The following KIF21A variants were observed in gnomAD, a reference collection of about 807,000 sequenced individuals.
KIF21A encodes the protein kinesin family member 21A.
In KIF21A, 114 loss-of-function variants were observed where a neutral mutation model predicts 202.9. The ratio of observed to expected loss-of-function variants is 0.56; its 90% CI spans 0.48 to 0.66. The LOEUF (loss-of-function observed/expected upper bound fraction) is 0.66. KIF21A is among the 30% of genes least tolerant of loss of function. The probability of loss-of-function intolerance (pLI) is 0.00; values close to 1 mark genes in which losing one functional copy is unlikely to be tolerated. For missense variants in KIF21A, 1,677 were observed against 1,994.9 expected, an observed-to-expected ratio of 0.84 and a Z score of 3.04; for synonymous variants, 667 against 670.8, an observed-to-expected ratio of 0.99 and a Z score of 0.09.
At chr12:39,434,314 A>G (rs1382422861) in intron 1 of KIF21A, among the ~76,000 whole-genome samples, 1 of 152,364 alleles carries the variant, frequency 6.6e-6, no homozygotes, top group East Asian at 1.9e-4. Context: ...ACATTAATCC[A>G]TTAATGAGGG....
Position 39,330,870 on chromosome 12 carries a change from C to T in KIF21A, c.3195G>A (p.Leu1065=). 8 of 1,613,918 alleles carry T rather than the reference C, an allele frequency of 5.0e-6. No homozygotes were observed. The highest frequency in any genetic ancestry group is 5.9e-6 in the Non-Finnish European group (7 of 1,179,898). The part of the protein sequence containing the change: ...AAQKEAQIKV[L]EGRLKQTEIT... ...TTTCTGTTTGTTTGAGTCGACCTTC[C>T]AGTACTTTAATTTGAGCCTCTTTCT... Residue 1065 remains leucine (L), a synonymous_variant, in exon 23 of 38, where the codon CTG becomes CTA. Coordinates refer to ENST00000361418, the MANE Select transcript of KIF21A (RefSeq NM_001173464.2).
At chr12:39,325,333 A>ATT (rs200000503) in intron 26 of KIF21A, among the ~76,000 whole-genome samples, 2,435 of 138,424 alleles carry the variant, frequency 0.018, 69 homozygotes, top group African/African-American at 0.051. Flanking sequence ...ACCAAGGAGA[A>ATT]TTTTTTTTTT....
At chr12:39,330,649 A>T in intron 23 of KIF21A, 97 bp downstream of exon 23, 1 of 1,004,240 alleles carries the variant, frequency 1.0e-6, no homozygotes, top group Non-Finnish European at 1.6e-6. Context: ...TATAGCATCT[A>T]TTCAGTCAAG....
At chr12:39,337,927 A>G (rs1404557544) in intron 16 of KIF21A, among the ~76,000 whole-genome samples, 1 of 152,222 alleles carries the variant, frequency 6.6e-6, no homozygotes, top group Admixed American at 6.5e-5. Context: ...AATTATGTAT[A>G]GTCCATGATA....
chr12:39,429,252 C>T (rs1954998391), intron 1 of KIF21A, among the ~76,000 whole-genome samples: 1 of 152,074 alleles, frequency 6.6e-6, no homozygotes, highest in Admixed American at 6.6e-5. Context: ...ACACACATAC[C>T]AACAGAGAAC....
intron 37 of KIF21A, among the ~76,000 whole-genome samples, chr12:39,296,763 C>T (rs1942416060): frequency 1.3e-5 from 2 of 152,142 alleles, no homozygotes; most frequent in Admixed American, 6.5e-5. Context: ...AAGAAAAGGA[C>T]AAGCCAGAGG....
At chr12:39,409,799 G>C (rs1391658813) in intron 1 of KIF21A, among the ~76,000 whole-genome samples, 1 of 151,298 alleles carries the variant, frequency 6.6e-6, no homozygotes, top group Non-Finnish European at 1.5e-5. Context: ...ACAAGGCAAC[G>C]TGAATCTGGA....
At chr12:39,362,226 G>A (rs1257539307) in intron 7 of KIF21A, among the ~76,000 whole-genome samples, 2 of 151,990 alleles carry the variant, frequency 1.3e-5, no homozygotes. Context: ...CCTCTTTTCT[G>A]TATAAATTAC....
intron 37 of KIF21A, 48 bp downstream of exon 37, chr12:39,301,432 C>A (rs762150537): frequency 7.2e-7 from 1 of 1,384,580 alleles, no homozygotes; most frequent in African/African-American, 1.4e-5. Flanking sequence ...TTTATTAAAT[C>A]TGAACAGAAG....
intron 5 of KIF21A, 115 bp from the exon 6 acceptor site, chr12:39,366,632 T>C: frequency 2.7e-6 from 2 of 753,350 alleles, no homozygotes; most frequent in Non-Finnish European, 4.3e-6. Flanking sequence ...GAAACAGGCA[T>C]AAAGCCAAAT....
At chr12:39,321,069 G>T (rs555026514) in intron 27 of KIF21A, among the ~76,000 whole-genome samples, 4 of 149,228 alleles carry the variant, frequency 2.7e-5, no homozygotes, top group South Asian at 4.3e-4. Flanking sequence ...TTGTGTGCTT[G>T]ATTTTTTCTA....
intron 29 of KIF21A, among the ~76,000 whole-genome samples, chr12:39,317,646 G>T (rs1193799240): frequency 5.3e-5 from 8 of 152,112 alleles, no homozygotes; most frequent in Admixed American, 5.2e-4. Flanking sequence ...TGTTGCACTT[G>T]TAACAATGGT....
intron 4 of KIF21A, 113 bp downstream of exon 4, chr12:39,367,770 T>C (rs1163718557): frequency 1.2e-6 from 1 of 804,686 alleles, no homozygotes; most frequent in Non-Finnish European, 2.1e-6. Context: ...CTTAATTCCA[T>C]GTCATGCTTC....
chr12:39,369,684 A>G (rs201461231), intron 3 of KIF21A, 45 bp downstream of exon 3: 8 of 1,466,106 alleles, frequency 5.5e-6, no homozygotes, highest in Non-Finnish European at 7.6e-6. Flanking sequence ...CACAGTCTAT[A>G]AGAACAAAAT....
intron 16 of KIF21A, among the ~76,000 whole-genome samples, chr12:39,338,370 A>G (rs1947160356): frequency 6.6e-6 from 1 of 152,230 alleles, no homozygotes; most frequent in Non-Finnish European, 1.5e-5. Flanking sequence ...AAAAGAGTCA[A>G]AAAGTTTTTT....
chr12:39,380,849 G>T (rs1051868487), intron 1 of KIF21A, among the ~76,000 whole-genome samples: 1 of 152,118 alleles, frequency 6.6e-6, no homozygotes, highest in African/African-American at 2.4e-5. Flanking sequence ...CTCATTCTCA[G>T]ATTAGTTTCT....
intron 1 of KIF21A, among the ~76,000 whole-genome samples, chr12:39,398,993 G>A (rs1951965853): frequency 1.3e-5 from 2 of 152,278 alleles, no homozygotes; most frequent in Non-Finnish European, 2.9e-5. Context: ...GGAGGCTGAG[G>A]CAGGAGAATC....
chr12:39,380,309 C>T (rs1950536455), intron 1 of KIF21A, among the ~76,000 whole-genome samples: 1 of 152,170 alleles, frequency 6.6e-6, no homozygotes, highest in Admixed American at 6.5e-5. Flanking sequence ...GTGATCATTC[C>T]TTTCACTCCC....
intron 22 of KIF21A, 88 bp from the exon 23 acceptor site, chr12:39,330,999 T>C: frequency 2.1e-6 from 3 of 1,397,726 alleles, no homozygotes; most frequent in Admixed American, 3.4e-5. Flanking sequence ...GAATATGATA[T>C]ATGGGTTTTG....
Sources: gnomAD v4.1 joint callset for allele counts (sites outside exome capture counted in the v4.1 genomes callset) on GRCh38, gnomAD v4.1.1 for gene constraint, MANE v1.5 for transcripts, NCBI Gene and HGNC (gene_info 2026-07-23, HGNC 2026-07-21) for gene names.